ZBTB38: variants seen among roughly 807,000 people sequenced by gnomAD.
The protein encoded by ZBTB38 is zinc finger and BTB domain-containing protein 38.
A neutral mutation model predicts 76.8 loss-of-function variants in ZBTB38; 20 were observed. That is an observed-to-expected ratio of 0.26 (90% CI 0.18 to 0.38). The LOEUF (loss-of-function observed/expected upper bound fraction) is 0.38, where lower values mean the gene tolerates loss of function less well. ZBTB38 is among the 10% of genes least tolerant of loss of function. ZBTB38 has a pLI of 1.00. For missense variants in ZBTB38, 1,082 were observed against 1,482.3 expected (o/e 0.73, Z 4.43); for synonymous variants, 504 against 544.2 (o/e 0.93, Z 1.03).
chr3:141,412,803 G>T (rs182606059), intron 5 of ZBTB38, among the ~76,000 whole-genome samples: 1 of 151,184 alleles, frequency 6.6e-6, no homozygotes, highest in Non-Finnish European at 1.5e-5. Flanking sequence ...TTTTCCACTC[G>T]GTTTTTTTTT....
chr3:141,392,099 C>T (rs1484568204), intron 4 of ZBTB38, among the ~76,000 whole-genome samples: 2 of 152,104 alleles, frequency 1.3e-5, no homozygotes, highest in South Asian at 2.1e-4. Context: ...TCAGAAGCAC[C>T]GTCTAAAATT....
intron 1 of ZBTB38, among the ~76,000 whole-genome samples, chr3:141,325,334 G>A (rs150229168): frequency 3.3e-5 from 5 of 152,276 alleles, no homozygotes; most frequent in African/African-American, 1.2e-4. Context: ...CATTTTTTTA[G>A]TATCAGTCTT....
Position 141,434,145 on chromosome 3 carries a change from G to A in ZBTB38, c.1-8244G>A, listed in dbSNP as rs75327573. 9.7e-3 allele frequency: 9,363 copies of A among 967,070 alleles called. 61 individuals carry two copies. The highest frequency in any genetic ancestry group is 0.024 in the Middle Eastern group (46 of 1,892). The allele number at this position is 967,070 out of a possible 1,614,324, so 59.9% of individuals were successfully genotyped here. On this transcript the variant is annotated intron_variant, in intron 5 of 5. Transcript: ENST00000321464. ...TAAATGTGAACAAATGCATGATACC[G>A]TACATTGTAATGATGGGAAACCAAA...
In ZBTB38 at chr3:141,445,887, A is replaced by C. The variant is rs763296738; in HGVS notation, c.3499A>C (p.Asn1167His). The change falls in exon 6 of 6, where the codon AAT (asparagine) becomes CAT (histidine). Residue 1167 changes from asparagine (N) to histidine (H), a missense_variant. By Grantham distance (68) the Asn-to-His change is moderately conservative. Around this residue, in one of 8 missense-constraint regions of ZBTB38, gnomAD observed 54 missense variants for 57.9 expected, o/e 0.93. Transcript: ENST00000321464. This position sits in a 1 kb window ranked among gnomAD's most constrained non-coding sequence, Gnocchi z 6.5. ...AGGTGACGTGTGCCACGAAAACTCA[A>C]ATCCCTTGGAGAATCAACATTTCAT... ...KIGDVCHENS[N>H]PLENQHFIGS... 6.2e-7 allele frequency: 1 copy of C among 1,611,022 alleles called. No individual in the cohort carries two copies. The highest frequency in any genetic ancestry group is 1.1e-5 in the South Asian group (1 of 91,088).
At chr3:141,405,809 C>G (rs779096630) in intron 5 of ZBTB38, 17 of 152,218 alleles carry the variant, frequency 1.1e-4, no homozygotes, top group Non-Finnish European at 2.2e-4. Flanking sequence ...AAAATCTGGT[C>G]TCTTCGCTCT....
At chr3:141,402,567 C>T (rs1343540646) in intron 4 of ZBTB38, 5 of 151,028 alleles carry the variant, frequency 3.3e-5, no homozygotes, top group Non-Finnish European at 7.4e-5. Context: ...TGGAGGGAGC[C>T]GGGAAGCCGG....
chr3:141,351,470 T>C (rs1186846370), intron 1 of ZBTB38, among the ~76,000 whole-genome samples: 1 of 151,922 alleles, frequency 6.6e-6, no homozygotes, highest in African/African-American at 2.4e-5. Context: ...GAAAGTTCCC[T>C]CCCTAGGACT....
At chr3:141,394,643 T>C (rs1949908776) in intron 4 of ZBTB38, among the ~76,000 whole-genome samples, 1 of 152,128 alleles carries the variant, frequency 6.6e-6, no homozygotes, top group African/African-American at 2.4e-5. Context: ...TCTTCCTTCC[T>C]TCACCAGCCT....
Position 141,372,284 on chromosome 3 carries a change from T to C in ZBTB38, c.-235+2338T>C, listed in dbSNP as rs1944726815. The stretch of plus-strand genomic sequence containing the variant: ...ACTTCAGCCTCTGAAAGTCTGTCTT[T>C]CCAAGTTGTTAGGAACTGAAAGTGT... On this transcript the variant is annotated intron_variant, in intron 2 of 5. Transcript: ENST00000321464. Among the ~76,000 whole-genome samples the C allele has an allele frequency of 4.6e-5, 7 of 152,310 alleles. No homozygotes were observed. In the South Asian group the frequency reaches 1.5e-3, roughly 32 times the overall value.
rs566773097 is a variant in ZBTB38 at position 141,361,303 on chromosome 3, C to A, written c.-738-7318C>A. 1.8e-4 allele frequency among the ~76,000 whole-genome samples: 27 copies of A among 152,190 alleles called. 1 individual carries two copies. The South Asian group carries it at 5.4e-3, about 30-fold the overall frequency. On this transcript the variant is annotated intron_variant, in intron 1 of 7. Coordinates refer to the ZBTB38 transcript ENST00000509842. ...TTCTTTGTAAGGTAGTCAGATGAATCATGCCTCTAAAAAAAGATGTGCATT... is the reference window on the plus strand; with the variant it reads ...TTCTTTGTAAGGTAGTCAGATGAATAATGCCTCTAAAAAAAGATGTGCATT...
chr3:141,352,619 G>A (rs1345902977), intron 1 of ZBTB38, among the ~76,000 whole-genome samples: 5 of 152,066 alleles, frequency 3.3e-5, no homozygotes, highest in Non-Finnish European at 5.9e-5. Flanking sequence ...AACTGGGGGA[G>A]AACTTAAAGC....
intron 4 of ZBTB38, among the ~76,000 whole-genome samples, chr3:141,403,601 T>C (rs1311313050): frequency 6.6e-6 from 1 of 152,266 alleles, no homozygotes; most frequent in East Asian, 1.9e-4. Context: ...CTGAAATGTT[T>C]TTAAAACCCT....
At chr3:141,384,631 T>A (rs371384610) in intron 3 of ZBTB38, among the ~76,000 whole-genome samples, 3 of 152,316 alleles carry the variant, frequency 2.0e-5, no homozygotes, top group East Asian at 3.9e-4. Flanking sequence ...CTCAGCGTGA[T>A]CATCTCTCTA....
At chr3:141,334,294 C>T (rs1187027687) in intron 1 of ZBTB38, among the ~76,000 whole-genome samples, 1 of 151,804 alleles carries the variant, frequency 6.6e-6, no homozygotes, top group Non-Finnish European at 1.5e-5. Context: ...TGCAGGTTCT[C>T]TCTGAGGCAT....
chr3:141,338,340 A>G (rs767476162), intron 1 of ZBTB38, among the ~76,000 whole-genome samples: 1 of 152,214 alleles, frequency 6.6e-6, no homozygotes. Context: ...GTAAAGACAC[A>G]TGGATGCATG....
chr3:141,421,494 T>TTTTTG (rs757252656), intron 5 of ZBTB38, among the ~76,000 whole-genome samples: 21 of 152,194 alleles, frequency 1.4e-4, no homozygotes, highest in African/African-American at 3.9e-4. Context: ...TTTTTGGGTT[T>TTTTTG]TTTTGTTTTG....
upstream of ZBTB38, among the ~76,000 whole-genome samples, chr3:141,365,337 C>A (rs1209797438): frequency 1.3e-5 from 2 of 152,144 alleles, no homozygotes; most frequent in Non-Finnish European, 2.9e-5. Flanking sequence ...GCTGAGAAGT[C>A]CAAAGTCTAG....
At chr3:141,394,716 C>T (rs758209976) in intron 4 of ZBTB38, among the ~76,000 whole-genome samples, 9 of 152,124 alleles carry the variant, frequency 5.9e-5, no homozygotes, top group Admixed American at 1.3e-4. Context: ...TTGTTTGAAT[C>T]GCTTGGTCTC....
At chr3:141,342,191 G>A (rs770384870) in intron 1 of ZBTB38, among the ~76,000 whole-genome samples, 10 of 152,022 alleles carry the variant, frequency 6.6e-5, no homozygotes, top group Admixed American at 2.0e-4. Context: ...CAGGCGTGGT[G>A]GTGCGTGCCT....
Sources: gnomAD v4.1 joint callset for allele counts (sites outside exome capture counted in the v4.1 genomes callset) on GRCh38, gnomAD v4.1.1 for gene constraint, gnomAD v4.1.1 regional missense constraint, Gnocchi (gnomAD v3.1) non-coding constraint, MANE v1.5 for transcripts, NCBI Gene and HGNC (gene_info 2026-07-23, HGNC 2026-07-21) for gene names.